TIMM21: variants seen among roughly 807,000 people sequenced by gnomAD.
TIMM21 encodes mitochondrial import inner membrane translocase subunit Tim21.
Under a neutral mutation model 27.7 loss-of-function variants are expected in TIMM21, and 30 were observed. That is an observed-to-expected ratio of 1.08 (90% CI 0.81 to 1.47). The LOEUF is 1.47. Ranked by LOEUF, TIMM21 falls within the 40% of genes most tolerant of loss-of-function variation. The pLI, the probability that TIMM21 is intolerant of heterozygous loss-of-function variation, is 0.00. For synonymous variants in TIMM21, 121 were observed against 114.4 expected (o/e 1.06, Z -0.37); for missense variants, 292 against 302.9 (o/e 0.96, Z 0.27).
chr18:74,158,513 G>A lies in TIMM21; in HGVS notation c.*33G>A. On this transcript the variant is annotated 3_prime_UTR_variant, in exon 6 of 6. Transcript: ENST00000169551. ...TTTCTGATGGATGTTGAATGGCGTG[G>A]ACTCGCTACTCCGTTCTTCACAGCT... 7.5e-7 allele frequency: 1 copy of A among 1,329,998 alleles called. No individual in the cohort carries two copies. The highest frequency in any genetic ancestry group is 1.1e-6 in the Non-Finnish European group (1 of 934,160). 82.4% of individuals were successfully genotyped at this position (1,329,998 alleles called of 1,614,324 possible).
Position 74,158,296 on chromosome 18 carries a change from T to G in TIMM21, c.642+20T>G, listed in dbSNP as rs763810410. On this transcript the variant is annotated intron_variant, in intron 5 of 5. Coordinates refer to ENST00000169551, the MANE Select transcript of TIMM21 (RefSeq NM_014177.3). ...AAAGAGGTGTGGGAATCATGGGATG[T>G]GGGGTCAGAGGTTCTGAGCGCGGTG... The G allele has an allele frequency of 6.2e-7, 1 of 1,613,576 alleles. No homozygotes were observed. Among genetic ancestry groups the G allele is most frequent in the East Asian group, 2.2e-5 (1 of 44,876 alleles).
intron 1 of TIMM21, among the ~76,000 whole-genome samples, chr18:74,154,381 C>A (rs1185580405): frequency 6.6e-6 from 1 of 152,104 alleles, no homozygotes; most frequent in African/African-American, 2.4e-5. Flanking sequence ...CCTGCCTCAG[C>A]CTCTCGAGTA....
In TIMM21 at chr18:74,155,207, G is replaced by A. The variant is rs755184007; in HGVS notation, c.364G>A (p.Gly122Ser). The A allele has an allele frequency of 6.2e-7, 1 of 1,614,032 alleles. No individual in the cohort carries two copies. The highest frequency in any genetic ancestry group is 8.5e-7 in the Non-Finnish European group (1 of 1,180,032). Residue 122 changes from glycine (G) to serine (S), a missense_variant and splice_region_variant, in exon 2 of 6, where the codon GGT becomes AGT. Gly to Ser is a moderately conservative substitution (Grantham distance 56). Transcript: ENST00000169551. ...GGTGCTTTTTGGAATCAGCATTACA[G>A]GTTGCAAAAAACAGCAAGTATAAGC... ...IVVLFGISITGGLFYTIFKEL... is the reference protein window; with the variant it reads ...IVVLFGISITSGLFYTIFKEL...
intron 1 of TIMM21, among the ~76,000 whole-genome samples, chr18:74,151,780 T>C (rs1293782999): frequency 6.6e-6 from 1 of 152,180 alleles, no homozygotes; most frequent in Non-Finnish European, 1.5e-5. Flanking sequence ...TCTCGAAGTT[T>C]CCAGGAGCAG....
Position 74,148,984 on chromosome 18 carries a change from G to A in TIMM21, c.176G>A (p.Gly59Glu). 6.2e-7 allele frequency: 1 copy of A among 1,614,176 alleles called. No individual in the cohort carries two copies. The highest frequency in any genetic ancestry group is 1.1e-5 in the South Asian group (1 of 91,080). The change falls in exon 1 of 6, where the codon GGA becomes GAA. Residue 59 changes from glycine (G) to glutamate (E), a missense_variant. Physicochemically the swap from Gly to Glu is moderately conservative, Grantham distance 98. Coordinates refer to ENST00000169551, the MANE Select transcript of TIMM21 (RefSeq NM_014177.3). ...KKTLRPRCIL[G>E]VTQKTIWTQG... ...ACGCTGCGACCTAGATGTATTCTTGGAGTCACCCAGAAAACCATCTGGACG... is the reference window on the plus strand; with the variant it reads ...ACGCTGCGACCTAGATGTATTCTTGAAGTCACCCAGAAAACCATCTGGACG...
intron 1 of TIMM21, among the ~76,000 whole-genome samples, chr18:74,150,438 C>T (rs756128370): frequency 1.3e-5 from 2 of 152,122 alleles, no homozygotes; most frequent in Non-Finnish European, 2.9e-5. Flanking sequence ...CTGAAATAGC[C>T]ATGAGTGGCA....
At chr18:74,149,993 C>T (rs926325207) in intron 1 of TIMM21, among the ~76,000 whole-genome samples, 29 of 152,160 alleles carry the variant, frequency 1.9e-4, no homozygotes, top group African/African-American at 7.0e-4. Context: ...ATGCTGCGTC[C>T]AGAATTCAAA....
At chr18:74,155,533 G>T in intron 3 of TIMM21, 130 bp downstream of exon 3, 1 of 735,602 alleles carries the variant, frequency 1.4e-6, no homozygotes. Flanking sequence ...TAATGGTCGA[G>T]TCATCATTAC....
chr18:74,150,761 T>C (rs2121912872), intron 1 of TIMM21, among the ~76,000 whole-genome samples: 1 of 152,296 alleles, frequency 6.6e-6, no homozygotes, highest in East Asian at 1.9e-4. Flanking sequence ...CCTATTTGTG[T>C]TTTGTAAAGG....
intron 1 of TIMM21, 200 bp from the exon 2 acceptor site, chr18:74,154,945 T>C (rs1450451796): frequency 1.3e-5 from 8 of 593,314 alleles, no homozygotes; most frequent in Non-Finnish European, 2.1e-5. Flanking sequence ...AATTAAAACA[T>C]AGATTCCCAA....
At chr18:74,156,283 G>T (rs1979948084) in intron 3 of TIMM21, 1 of 398,506 alleles carries the variant, frequency 2.5e-6, no homozygotes, top group African/African-American at 2.1e-5. Context: ...GCTCGCATTT[G>T]CAGCCCCTGA....
At position 74,160,342 on chromosome 18, in the gene TIMM21, TC is replaced by T. The variant is rs1980068846; in HGVS notation, c.*1863del. 6.6e-6 allele frequency: 1 copy of T among 150,590 alleles called. No homozygotes were observed. The highest frequency in any genetic ancestry group is 1.5e-5 in the Non-Finnish European group (1 of 67,734). 9.3% of individuals were successfully genotyped at this position (150,590 alleles called of 1,614,324 possible). On this transcript the variant is annotated 3_prime_UTR_variant, in exon 6 of 6. Coordinates refer to ENST00000169551, the MANE Select transcript of TIMM21 (RefSeq NM_014177.3). ...TCAAAAAAAAAAAACAAAAAACAGA[TC>T]TGAGCTTTTATAATTAGAAATAAAA...
chr18:74,155,766 A>G (rs1021802717), intron 3 of TIMM21, among the ~76,000 whole-genome samples: 4 of 152,198 alleles, frequency 2.6e-5, no homozygotes, highest in African/African-American at 9.6e-5. Flanking sequence ...GTGTCCGTGC[A>G]AGCACTCTGC....
In TIMM21 at chr18:74,155,522, A is replaced by G. The variant is rs1194247901; in HGVS notation, c.462+119A>G. On this transcript the variant is annotated intron_variant, in intron 3 of 5. Coordinates refer to ENST00000169551, the MANE Select transcript of TIMM21 (RefSeq NM_014177.3). The stretch of plus-strand genomic sequence containing the variant: ...GCTAGTGAAATTCACATAATAATAC[A>G]TAATGGTCGAGTCATCATTACATTA... 5 of 786,504 alleles carry G rather than the reference A, an allele frequency of 6.4e-6. No individual in the cohort carries two copies. The East Asian group carries it at 7.9e-5, about 12-fold the overall frequency. The allele number at this position is 786,504 out of a possible 1,614,324, so 48.7% of individuals were successfully genotyped here.
Position 74,158,192 on chromosome 18 carries a change from T to A in TIMM21, c.558T>A (p.Asp186Glu), listed in dbSNP as rs758067227. Reference sequence around the variant, plus strand: ...ACAGGTTCACTGAATATGTAAAAGATGGGCTGAAACACACGTGTGTGAAAT... The same window carrying A: ...ACAGGTTCACTGAATATGTAAAAGAAGGGCTGAAACACACGTGTGTGAAAT... ...QHVRFTEYVK[D>E]GLKHTCVKFY... is the part of the protein sequence containing the mutation. Residue 186 changes from aspartate to glutamate, a missense_variant, in exon 5 of 6, where the codon GAT becomes GAA. Transcript: ENST00000169551. 6.2e-7 allele frequency: 1 copy of A among 1,614,156 alleles called. No individual in the cohort carries two copies. The highest frequency in any genetic ancestry group is 1.3e-5 in the African/African-American group (1 of 75,022).
In TIMM21 at chr18:74,158,283, G is replaced by A. The variant is rs774815819; in HGVS notation, c.642+7G>A. The A allele has an allele frequency of 1.2e-6, 2 of 1,614,010 alleles. No individual in the cohort carries two copies. The highest frequency in any genetic ancestry group is 1.1e-5 in the South Asian group (1 of 91,066). ...GTATGCGCAAGTGAAAGAGGTGTGG[G>A]AATCATGGGATGTGGGGTCAGAGGT... On this transcript the variant is annotated splice_region_variant and intron_variant, in intron 5 of 5. Coordinates refer to ENST00000169551, the MANE Select transcript of TIMM21 (RefSeq NM_014177.3).
At chr18:74,155,093 C>A in intron 1 of TIMM21, 52 bp from the exon 2 acceptor site, 1 of 1,577,468 alleles carries the variant, frequency 6.3e-7, no homozygotes, top group Non-Finnish European at 8.7e-7. Flanking sequence ...AGCAGACAAG[C>A]TTGCCTGCTC....
chr18:74,158,124 AT>A (rs754298431), intron 4 of TIMM21, 37 bp downstream of exon 4: 1 of 1,613,890 alleles, frequency 6.2e-7, no homozygotes, highest in Non-Finnish European at 8.5e-7. Context: ...CTCTGGGGAG[AT>A]TTTTAAATGA....
At position 74,158,567 on chromosome 18, in the gene TIMM21, CAAG is replaced by C; in HGVS notation, c.*91_*93del. 4 of 815,752 alleles carry C rather than the reference CAAG, an allele frequency of 4.9e-6. No individual in the cohort carries two copies. Among genetic ancestry groups the C allele is most frequent in the Middle Eastern group, 3.5e-4 (1 of 2,878 alleles). 50.5% of individuals were successfully genotyped at this position (815,752 alleles called of 1,614,324 possible). Reference sequence around the variant, plus strand: ...TTCCAGAATGTGTTCAAAAGAAAGACAAGAAGGAGTGTATGGCTTATAAAGTGA... The same window carrying C: ...TTCCAGAATGTGTTCAAAAGAAAGACAAGGAGTGTATGGCTTATAAAGTGA... On this transcript the variant is annotated 3_prime_UTR_variant, in exon 6 of 6. Transcript: ENST00000169551.
Sources: allele counts gnomAD v4.1 joint callset (sites outside exome capture counted in the v4.1 genomes callset), GRCh38; gene constraint gnomAD v4.1.1; transcripts MANE v1.5; gene names NCBI Gene and HGNC (gene_info 2026-07-23, HGNC 2026-07-21).